COL4A3: variants seen among roughly 807,000 people sequenced by gnomAD.
COL4A3 encodes the protein collagen alpha-3(IV) chain.
A neutral mutation model predicts 217.4 loss-of-function variants in COL4A3; 135 were observed. The ratio of observed to expected loss-of-function variants is 0.62; its 90% confidence interval spans 0.54 to 0.72. The LOEUF is 0.72. Ranked by LOEUF, COL4A3 falls within the 30% of genes least tolerant of loss-of-function variation. COL4A3 has a pLI of 0.00. For missense variants in COL4A3, 1,868 were observed against 2,119.9 expected (o/e 0.88, Z 2.33); for synonymous variants, 690 against 736.3 (o/e 0.94, Z 1.02).
chr2:227,165,903 G>C (rs2065250386), intron 1 of COL4A3, among the ~76,000 whole-genome samples: 1 of 152,088 alleles, frequency 6.6e-6, no homozygotes, highest in African/African-American at 2.4e-5. Flanking sequence ...TCTTCCAAGA[G>C]GTGTCCACTT....
rs759312887 is a variant in COL4A3 at position 227,247,554 on chromosome 2, C to T, written c.442-4C>T. 6.2e-7 allele frequency: 1 copy of T among 1,613,948 alleles called. No homozygotes were observed. The highest frequency in any genetic ancestry group is 8.5e-7 in the Non-Finnish European group (1 of 1,179,938). ...TAGTTGTTCATAGGTTGCTTTTTTC[C>T]TAGGGTGCTGCTGGTTTGAAAGGAC... On this transcript the variant is annotated splice_polypyrimidine_tract_variant and splice_region_variant and intron_variant, in intron 7 of 51. Transcript: ENST00000396578.
chr2:227,311,874 T>TA lies in COL4A3; in HGVS notation c.*10dup, dbSNP rs758985028. 3.1e-6 allele frequency: 5 copies of TA among 1,613,692 alleles called. No homozygotes were observed. The Admixed American group carries it at 5.0e-5, about 16-fold the overall frequency. On this transcript the variant is annotated 3_prime_UTR_variant, in exon 52 of 52. Coordinates refer to ENST00000396578, the MANE Select transcript of COL4A3 (RefSeq NM_000091.5). ...GTGCATGAAGAAAAGACACTGAAGC[T>TA]AAAAAAGACAGCAGAACTGCTATTT...
chr2:227,240,640 A>T (rs1279059002), intron 3 of COL4A3, among the ~76,000 whole-genome samples: 2 of 152,054 alleles, frequency 1.3e-5, no homozygotes, highest in African/African-American at 4.8e-5. Context: ...TTCTTTTGTT[A>T]TTGGCTTTTC....
chr2:227,239,269 T>C (rs910383233), intron 2 of COL4A3, among the ~76,000 whole-genome samples: 1 of 152,162 alleles, frequency 6.6e-6, no homozygotes, highest in Non-Finnish European at 1.5e-5. Context: ...ATAACAACCA[T>C]TTGCAAAGCA....
chr2:227,205,402 G>A (rs1021878219), intron 1 of COL4A3, among the ~76,000 whole-genome samples: 3 of 151,974 alleles, frequency 2.0e-5, no homozygotes, highest in African/African-American at 7.2e-5. Flanking sequence ...TCTCTGCAAG[G>A]TACAAACATT....
chr2:227,210,631 T>C (rs1478541266), intron 1 of COL4A3, among the ~76,000 whole-genome samples: 1 of 150,562 alleles, frequency 6.6e-6, no homozygotes, highest in Non-Finnish European at 1.5e-5. Context: ...CAAGTACACA[T>C]GTACACAGCA....
chr2:227,269,839 A>G lies in COL4A3; in HGVS notation c.1505-71A>G, dbSNP rs996156699. The stretch of plus-strand genomic sequence containing the variant: ...CAAGGAAACACTCTATTTTCTTCAT[A>G]CATTGTATTACCCTGTCTACTTAGA... On this transcript the variant is annotated intron_variant, in intron 23 of 51. Transcript: ENST00000396578. 6.3e-6 allele frequency: 8 copies of G among 1,275,020 alleles called. No individual in the cohort carries two copies. In the Admixed American group the frequency reaches 1.2e-4, roughly 19 times the overall value. The allele number at this position is 1,275,020 out of a possible 1,614,324, so 79.0% of individuals were successfully genotyped here. A position where few individuals can be genotyped will look rare whatever the true frequency, so the allele number is the denominator to read the frequency against.
chr2:227,276,364 A>T (rs758528525), intron 26 of COL4A3, 21 bp from the exon 27 acceptor site: 18 of 1,585,892 alleles, frequency 1.1e-5, no homozygotes, highest in Non-Finnish European at 1.6e-5. Flanking sequence ...CCCCAATCTT[A>T]TGACCACAAA....
At chr2:227,259,647 A>T (rs1484480804) in intron 18 of COL4A3, 146 bp from the exon 19 acceptor site, 5 of 659,488 alleles carry the variant, frequency 7.6e-6, no homozygotes, top group Admixed American at 2.6e-5. Context: ...CATGACTATC[A>T]TATACCTGCT....
In COL4A3 at chr2:227,202,606, G is replaced by A. The variant is rs545433627; in HGVS notation, c.88-35362G>A. 2.6e-5 allele frequency among the ~76,000 whole-genome samples: 4 copies of A among 151,270 alleles called. No homozygotes were observed. The South Asian group carries it at 8.4e-4, about 32-fold the overall frequency. On this transcript the variant is annotated intron_variant, in intron 1 of 51. Coordinates refer to ENST00000396578, the MANE Select transcript of COL4A3 (RefSeq NM_000091.5). The stretch of plus-strand genomic sequence containing the variant: ...AAAAATTAGCCGGGCGCGGTGGCGG[G>A]CACCTGTAGTCCCAGCTACTCGGGA...
intron 37 of COL4A3, among the ~76,000 whole-genome samples, chr2:227,291,562 C>CAAAAAAAAAA (rs869289707): frequency 2.9e-5 from 1 of 34,410 alleles, no homozygotes; most frequent in East Asian, 4.7e-4. Flanking sequence ...GACTCCGTCT[C>CAAAAAAAAAA]AAAAAAAAAA....
chr2:227,250,313 A>C lies in COL4A3; in HGVS notation c.547-827A>C, dbSNP rs535795298. Among the ~76,000 whole-genome samples the C allele has an allele frequency of 6.6e-6, 1 of 151,624 alleles. No individual in the cohort carries two copies. Among genetic ancestry groups the C allele is most frequent in the South Asian group, 2.1e-4 (1 of 4,748 alleles). ...GAGGACAGAATGAGACTCTGTCTCA[A>C]AAAAATAGGTAGATAGATAAAAGAT... On this transcript the variant is annotated intron_variant, in intron 9 of 51. Transcript: ENST00000396578. The surrounding 1 kb of genome is among the most constrained non-coding windows in gnomAD (Gnocchi z 4.1).
intron 17 of COL4A3, chr2:227,256,619 C>G (rs1423126729): frequency 1.4e-6 from 1 of 718,816 alleles, no homozygotes; most frequent in South Asian, 1.4e-5. Flanking sequence ...GTACTTGAAG[C>G]TGTCTGACTT....
At chr2:227,290,597 T>C (rs1279217126) in intron 36 of COL4A3, 150 bp from the exon 37 acceptor site, 9 of 636,546 alleles carry the variant, frequency 1.4e-5, no homozygotes, top group Middle Eastern at 4.3e-4. Flanking sequence ...ATATTGATAT[T>C]ATATAATAAT....
Position 227,284,280 on chromosome 2 carries a change from A to G in COL4A3, c.2816A>G (p.Lys939Arg). Residue 939 changes from lysine (K) to arginine (R), a missense_variant, in exon 34 of 52, where the codon AAA becomes AGA. Lys to Arg is a conservative substitution (Grantham distance 26). Around this residue, in one of 2 missense-constraint regions of COL4A3, gnomAD observed 1,503 missense variants for 1,786.1 expected, o/e 0.84. Coordinates refer to ENST00000396578, the MANE Select transcript of COL4A3 (RefSeq NM_000091.5). ...TPGAKGEQGD[K>R]GNPGPSEISH... ...GGAGCCAAGGGGGAACAAGGAGATA[A>G]AGGAAATCCCGGGCCTTCAGAGATA... The G allele has an allele frequency of 6.2e-7, 1 of 1,614,142 alleles. No individual in the cohort carries two copies. Among genetic ancestry groups the G allele is most frequent in the Non-Finnish European group, 8.5e-7 (1 of 1,180,006 alleles).
intron 1 of COL4A3, among the ~76,000 whole-genome samples, chr2:227,225,689 A>G (rs1191338923): frequency 6.6e-6 from 1 of 150,524 alleles, no homozygotes; most frequent in Non-Finnish European, 1.5e-5. Flanking sequence ...TTCCCATGTT[A>G]AGGGAACAGC....
chr2:227,227,679 G>A (rs530973697), intron 1 of COL4A3: 1 of 152,192 alleles, frequency 6.6e-6, no homozygotes, highest in African/African-American at 2.4e-5. Flanking sequence ...TCTATTAGAT[G>A]GAGCTTATAA....
At chr2:227,199,791 T>C (rs1464538509) in intron 1 of COL4A3, among the ~76,000 whole-genome samples, 1 of 152,202 alleles carries the variant, frequency 6.6e-6, no homozygotes, top group East Asian at 1.9e-4. Flanking sequence ...GAAGGGTTTG[T>C]GCTTTTAACA....
Position 227,280,895 on chromosome 2 carries a change from G to T in COL4A3, c.2377G>T (p.Asp793Tyr). 1 of 1,553,416 alleles carries T rather than the reference G, an allele frequency of 6.4e-7. No homozygotes were observed. Among genetic ancestry groups the T allele is most frequent in the East Asian group, 2.4e-5 (1 of 41,124 alleles). ...GNEGLDGPRG[D>Y]PGQPGPPGEQ... ...TATACTTGTGCTTTCTTTTGCAGGAGATCCAGGGCAGCCTGGACCACCTGG... is the reference window on the plus strand; with the variant it reads ...TATACTTGTGCTTTCTTTTGCAGGATATCCAGGGCAGCCTGGACCACCTGG... Residue 793 changes from aspartate (D) to tyrosine (Y), a missense_variant and splice_region_variant, in exon 31 of 52, where the codon GAT becomes TAT. Asp to Tyr is a radical substitution (Grantham distance 160). This residue lies in a region of COL4A3 where 1,503 missense variants were observed against 1,786.1 expected (regional missense o/e 0.84). Coordinates refer to ENST00000396578, the MANE Select transcript of COL4A3 (RefSeq NM_000091.5).
Sources: allele counts gnomAD v4.1 joint callset (sites outside exome capture counted in the v4.1 genomes callset), GRCh38; gene constraint gnomAD v4.1.1; regional missense constraint gnomAD v4.1.1; non-coding constraint Gnocchi (gnomAD v3.1); transcripts MANE v1.5; gene names NCBI Gene and HGNC (gene_info 2026-07-23, HGNC 2026-07-21).